PRKN: variants seen among roughly 807,000 people sequenced by gnomAD.
PRKN encodes the protein parkin RBR E3 ubiquitin protein ligase.
Under a neutral mutation model 59.5 loss-of-function variants are expected in PRKN, and 56 were observed. That is an observed-to-expected ratio of 0.94 (90% confidence interval 0.76 to 1.18). The LOEUF is 1.18. Among genes scored for constraint, PRKN ranks in the 50% most tolerant of loss-of-function variants. PRKN has a pLI of 0.00. For missense variants in PRKN, 657 were observed against 596.4 expected, an observed-to-expected ratio of 1.10 and a Z score of -1.06; for synonymous variants, 250 against 222.1, an observed-to-expected ratio of 1.13 and a Z score of -1.12.
chr6:162,414,024 A>C (rs1285947613), intron 2 of PRKN, among the ~76,000 whole-genome samples: 1 of 152,112 alleles, frequency 6.6e-6, no homozygotes, highest in African/African-American at 2.4e-5. Flanking sequence ...TCTACTAAAA[A>C]TACAAAAAAT....
chr6:162,696,039 C>T lies in PRKN; in HGVS notation c.7+31623G>A, dbSNP rs535674792. Among the ~76,000 whole-genome samples, 13 of 152,066 alleles carry T rather than the reference C, an allele frequency of 8.5e-5. No homozygotes were observed. The South Asian group carries it at 2.7e-3, about 32-fold the overall frequency. ...AAACGAGCTCTGACTACAGAAAGTG[C>T]CTGGAACATGGTACTCAGCAAATGG... On this transcript the variant is annotated intron_variant, in intron 1 of 11. Transcript: ENST00000366898.
chr6:162,199,827 C>A (rs186921988), intron 4 of PRKN, among the ~76,000 whole-genome samples: 1 of 152,140 alleles, frequency 6.6e-6, no homozygotes, highest in Admixed American at 6.5e-5. Context: ...TCCATGATTT[C>A]TCCTTTATTA....
At chr6:162,460,430 C>G (rs7451668) in intron 1 of PRKN, among the ~76,000 whole-genome samples, 1 of 152,028 alleles carries the variant, frequency 6.6e-6, no homozygotes, top group Non-Finnish European at 1.5e-5. Flanking sequence ...TGATGAAAAT[C>G]AAAATTGACT....
chr6:162,187,473 C>T (rs1394238749), intron 4 of PRKN, among the ~76,000 whole-genome samples: 1 of 152,102 alleles, frequency 6.6e-6, no homozygotes, highest in Non-Finnish European at 1.5e-5. Flanking sequence ...AGCAAAATGG[C>T]AGTGCAGGGG....
At chr6:161,681,799 T>C (rs1044352569) in intron 7 of PRKN, among the ~76,000 whole-genome samples, 3 of 152,224 alleles carry the variant, frequency 2.0e-5, no homozygotes, top group African/African-American at 7.2e-5. Context: ...TAGGCAGATA[T>C]GTGTGGCCAG....
intron 7 of PRKN, among the ~76,000 whole-genome samples, chr6:161,723,167 G>C (rs1787297492): frequency 6.6e-6 from 1 of 151,798 alleles, no homozygotes; most frequent in Non-Finnish European, 1.5e-5. Flanking sequence ...TCTTGAGAAG[G>C]TGAGGCAGGA....
Position 161,584,544 on chromosome 6 carries a change from C to T in PRKN, c.872-15128G>A, listed in dbSNP as rs1350241645. The stretch of plus-strand genomic sequence containing the variant: ...AAAATCTTTTAACATATCCCCCTTA[C>T]ACTTGCCATCCAAAGGTAAAAAGAA... On this transcript the variant is annotated intron_variant, in intron 7 of 11. Transcript: ENST00000366898. This position sits in a 1 kb window ranked among gnomAD's most constrained non-coding sequence, Gnocchi z 4.8. Among the ~76,000 whole-genome samples, 1 of 152,186 alleles carries T rather than the reference C, an allele frequency of 6.6e-6. No individual in the cohort carries two copies. The highest frequency in any genetic ancestry group is 2.4e-5 in the African/African-American group (1 of 41,442).
At chr6:162,274,296 C>G (rs1284030875) in intron 2 of PRKN, among the ~76,000 whole-genome samples, 1 of 151,986 alleles carries the variant, frequency 6.6e-6, no homozygotes, top group Admixed American at 6.6e-5. Flanking sequence ...CAGGGGATTC[C>G]TAACCTCAGC....
chr6:162,632,874 T>A (rs1484634049), intron 1 of PRKN, among the ~76,000 whole-genome samples: 1 of 152,060 alleles, frequency 6.6e-6, no homozygotes, highest in East Asian at 1.9e-4. Context: ...GGCTAACTTC[T>A]CCATTACAAG....
rs139111527 is a variant in PRKN at position 161,409,606 on chromosome 6, C to T, written c.1084-22729G>A. Among the ~76,000 whole-genome samples, 337 of 152,236 alleles carry T rather than the reference C, an allele frequency of 2.2e-3. 1 individual carries two copies. Among genetic ancestry groups the T allele is most frequent in the African/African-American group, 7.5e-3 (312 of 41,504 alleles). The stretch of plus-strand genomic sequence containing the variant: ...GAATGTTCAGTGGAATCACATAAGG[C>T]CGTCACTATAAAAATGAAAGCAAGC... On this transcript the variant is annotated intron_variant, in intron 9 of 11. Transcript: ENST00000366898. The surrounding 1 kb of genome is among the most constrained non-coding windows in gnomAD (Gnocchi z 4.6).
At chr6:162,363,190 G>A (rs1343013469) in intron 2 of PRKN, among the ~76,000 whole-genome samples, 2 of 151,452 alleles carry the variant, frequency 1.3e-5, no homozygotes, top group African/African-American at 4.8e-5. Context: ...TGGGAAAGAG[G>A]GTTAGCTTCA....
intron 1 of PRKN, among the ~76,000 whole-genome samples, chr6:162,638,527 C>T (rs960945203): frequency 6.6e-6 from 1 of 152,044 alleles, no homozygotes; most frequent in African/African-American, 2.4e-5. Flanking sequence ...ATTGTTTTTC[C>T]CAAGTCTAAA....
chr6:162,338,906 C>T (rs1467550814), intron 2 of PRKN, among the ~76,000 whole-genome samples: 4 of 150,694 alleles, frequency 2.7e-5, no homozygotes, highest in African/African-American at 9.8e-5. Flanking sequence ...GCCCCGCCGC[C>T]CCATCTGGGA....
At chr6:161,633,113 C>T (rs1331818985) in intron 7 of PRKN, among the ~76,000 whole-genome samples, 3 of 152,044 alleles carry the variant, frequency 2.0e-5, no homozygotes, top group Non-Finnish European at 4.4e-5. Context: ...AAATATTTGT[C>T]CCGGAAAATG....
At chr6:162,006,800 C>A (rs1307823866) in intron 5 of PRKN, among the ~76,000 whole-genome samples, 1 of 152,142 alleles carries the variant, frequency 6.6e-6, no homozygotes, top group Non-Finnish European at 1.5e-5. Context: ...TGATCTCCAT[C>A]ATGGCACTTA....
intron 2 of PRKN, among the ~76,000 whole-genome samples, chr6:162,404,369 G>GAA (rs1242287906): frequency 1.5e-5 from 2 of 133,884 alleles, no homozygotes; most frequent in Non-Finnish European, 1.6e-5. Context: ...GACTCTGTCA[G>GAA]AAAAAAAAAA....
intron 1 of PRKN, among the ~76,000 whole-genome samples, chr6:162,660,410 C>T (rs113574751): frequency 1.3e-5 from 2 of 152,316 alleles, no homozygotes; most frequent in African/African-American, 4.8e-5. Context: ...CACCATCACA[C>T]TGTGTCTTTG....
chr6:161,757,388 A>G (rs1788971795), intron 7 of PRKN, among the ~76,000 whole-genome samples: 1 of 152,230 alleles, frequency 6.6e-6, no homozygotes, highest in Non-Finnish European at 1.5e-5. Context: ...TTTTATAGTA[A>G]GAATGCAACT....
intron 2 of PRKN, among the ~76,000 whole-genome samples, chr6:162,313,167 G>A (rs1308284449): frequency 1.3e-5 from 2 of 152,054 alleles, no homozygotes; most frequent in Non-Finnish European, 2.9e-5. Flanking sequence ...GTACAGTTCA[G>A]TAGTGCTAAG....
Sources: allele counts gnomAD v4.1 joint callset (sites outside exome capture counted in the v4.1 genomes callset), GRCh38; gene constraint gnomAD v4.1.1; non-coding constraint Gnocchi (gnomAD v3.1); transcripts MANE v1.5; gene names NCBI Gene and HGNC (gene_info 2026-07-23, HGNC 2026-07-21).